C19orf44: variants seen among roughly 807,000 people sequenced by gnomAD.
C19orf44 encodes the protein uncharacterized protein C19orf44.
In C19orf44, 43 loss-of-function variants were observed where a neutral mutation model predicts 50.7. The ratio of observed to expected loss-of-function variants is 0.85; its 90% CI spans 0.66 to 1.09. The LOEUF (loss-of-function observed/expected upper bound fraction) is 1.09, where lower values mean the gene tolerates loss of function less well. C19orf44 is among the 50% of genes least tolerant of loss of function. The pLI is 0.00. For synonymous variants in C19orf44, 298 were observed against 334.7 expected (o/e 0.89, Z 1.20); for missense variants, 722 against 836.2 (o/e 0.86, Z 1.68).
chr19:16,520,141 G>C lies in C19orf44; in HGVS notation c.*88G>C. On this transcript the variant is annotated 3_prime_UTR_variant, in exon 9 of 9. Coordinates refer to ENST00000221671, the MANE Select transcript of C19orf44 (RefSeq NM_032207.4). This position sits in a 1 kb window ranked among gnomAD's most constrained non-coding sequence, Gnocchi z 4.0. Reference sequence around the variant, plus strand: ...GTTACCAGCGCAGCACTTAAGACAGGATCTTACGGCGGGGTGGGGCTCCTG... The same window carrying C: ...GTTACCAGCGCAGCACTTAAGACAGCATCTTACGGCGGGGTGGGGCTCCTG... 6.2e-7 allele frequency: 1 copy of C among 1,611,994 alleles called. No individual in the cohort carries two copies. Among genetic ancestry groups the C allele is most frequent in the Non-Finnish European group, 8.5e-7 (1 of 1,179,286 alleles).
chr19:16,516,742 T>G (rs935721906), intron 7 of C19orf44, among the ~76,000 whole-genome samples: 3 of 152,200 alleles, frequency 2.0e-5, no homozygotes, highest in African/African-American at 4.8e-5. Flanking sequence ...GTCCCCTGCA[T>G]GCCAGGCCTC....
At chr19:16,501,584 AATTT>A in intron 2 of C19orf44, 33 bp downstream of exon 2, 2 of 1,270,560 alleles carry the variant, frequency 1.6e-6, no homozygotes, top group Non-Finnish European at 2.0e-6. Flanking sequence ...AATTTATTTT[AATTT>A]ATTTAATTTA....
rs2085545224 is a variant in C19orf44 at position 16,517,245 on chromosome 19, A to G, written c.1918A>G (p.Arg640Gly). ...TGCCTGACAGTACATTAGGTGCCAC[A>G]GACCTGCCCCACTGACCATGGAGGA... Reference protein sequence around the residue: ...EEAKEYIRCHRPAPLTMEDAL... With the variant: ...EEAKEYIRCHGPAPLTMEDAL... The change falls in exon 8 of 9, where the codon AGA (arginine) becomes GGA (glycine). Residue 640 changes from arginine to glycine, a missense_variant. Transcript: ENST00000221671. The G allele has an allele frequency of 6.2e-7, 1 of 1,614,156 alleles. No homozygotes were observed. Among genetic ancestry groups the G allele is most frequent in the Non-Finnish European group, 8.5e-7 (1 of 1,180,002 alleles).
At chr19:16,497,061 C>T (rs527585931) in intron 1 of C19orf44, among the ~76,000 whole-genome samples, 17 of 152,242 alleles carry the variant, frequency 1.1e-4, no homozygotes, top group Admixed American at 5.2e-4. Context: ...TGCTTGTGTC[C>T]AGGAGGTCAA....
chr19:16,518,738 G>A lies in C19orf44; in HGVS notation c.*41-1356G>A, dbSNP rs116799974. On this transcript the variant is annotated intron_variant, in intron 8 of 8. Transcript: ENST00000221671. ...GGGCCGGTGGGTGCGGGGAGCTGGA[G>A]GAAGGAGCTGGGGTGCCGGCTCTGG... 952 of 212,858 alleles carry A rather than the reference G, an allele frequency of 4.5e-3. 12 individuals are homozygous for A. The highest frequency in any genetic ancestry group is 0.022 in the African/African-American group (905 of 42,088). The allele number at this position is 212,858 out of a possible 1,614,324, so 13.2% of individuals were successfully genotyped here.
chr19:16,505,254 C>G (rs1488274574), intron 3 of C19orf44, among the ~76,000 whole-genome samples: 1 of 148,848 alleles, frequency 6.7e-6, no homozygotes, highest in East Asian at 2.0e-4. Flanking sequence ...GCCCTTGTTG[C>G]CCAGGCTGGA....
Position 16,519,887 on chromosome 19 carries a change from C to G in C19orf44, c.*41-207C>G. 1 of 683,662 alleles carries G rather than the reference C, an allele frequency of 1.5e-6. No homozygotes were observed. Among genetic ancestry groups the G allele is most frequent in the Non-Finnish European group, 2.5e-6 (1 of 392,262 alleles). 42.3% of individuals were successfully genotyped at this position (683,662 alleles called of 1,614,324 possible). ...ATCCTGTCTCAGCTAGATAAGGGGG[C>G]TCCAGACGCTGGCCCCCACCCCACG... On this transcript the variant is annotated intron_variant, in intron 8 of 8. Coordinates refer to ENST00000221671, the MANE Select transcript of C19orf44 (RefSeq NM_032207.4). The surrounding 1 kb of genome is among the most constrained non-coding windows in gnomAD (Gnocchi z 6.0).
rs977070644 is a variant in C19orf44, at chr19:16,521,056, T to A, written c.*1003T>A. 127 of 716,704 alleles carry A rather than the reference T, an allele frequency of 1.8e-4. No individual in the cohort carries two copies. Among genetic ancestry groups the A allele is most frequent in the Admixed American group, 1.0e-4 (5 of 47,774 alleles). 44.4% of individuals were successfully genotyped at this position (716,704 alleles called of 1,614,324 possible). On this transcript the variant is annotated 3_prime_UTR_variant, in exon 9 of 9. Coordinates refer to ENST00000221671, the MANE Select transcript of C19orf44 (RefSeq NM_032207.4). ...GCTCCGAGCATGGGCGCAGTAGAGC[T>A]TGGTTCAGTGTTCCCACAGGGCTGT...
rs1342253895 is a variant in C19orf44, at chr19:16,520,021, G to T, written c.*41-73G>T. On this transcript the variant is annotated intron_variant, in intron 8 of 8. Transcript: ENST00000221671. The surrounding 1 kb of genome is among the most constrained non-coding windows in gnomAD (Gnocchi z 4.0). ...GCTACTGTGGTGAAGGGTGAGGGGT[G>T]CCACTGTCCCCGGGCTAATGCTGGC... is the stretch of plus-strand genomic sequence containing the variant. 1 of 975,902 alleles carries T rather than the reference G, an allele frequency of 1.0e-6. No homozygotes were observed. Among genetic ancestry groups the T allele is most frequent in the Non-Finnish European group, 1.6e-6 (1 of 638,206 alleles). 60.5% of individuals were successfully genotyped at this position (975,902 alleles called of 1,614,324 possible).
intron 6 of C19orf44, among the ~76,000 whole-genome samples, chr19:16,513,332 A>G (rs576943790): frequency 5.9e-5 from 9 of 152,250 alleles, no homozygotes; most frequent in African/African-American, 2.2e-4. Flanking sequence ...TGTCACACAA[A>G]ACAAGAGGGT....
Position 16,519,782 on chromosome 19 carries a change from G to A in C19orf44, c.*41-312G>A, listed in dbSNP as rs1027854311. 7.4e-7 allele frequency: 1 copy of A among 1,351,194 alleles called. No homozygotes were observed. The highest frequency in any genetic ancestry group is 1.1e-6 in the Non-Finnish European group (1 of 941,016). 83.7% of individuals were successfully genotyped at this position (1,351,194 alleles called of 1,614,324 possible). On this transcript the variant is annotated intron_variant, in intron 8 of 8. Coordinates refer to ENST00000221671, the MANE Select transcript of C19orf44 (RefSeq NM_032207.4). The surrounding 1 kb of genome is among the most constrained non-coding windows in gnomAD (Gnocchi z 6.0). ...ACATTTATTGGAATGACAGTGATGA[G>A]GACCTCACAGCCGCAGCTTGCGTGC...
At position 16,520,073 on chromosome 19, in the gene C19orf44, C is replaced by G; in HGVS notation, c.*41-21C>G. On this transcript the variant is annotated intron_variant, in intron 8 of 8. Transcript: ENST00000221671. This position sits in a 1 kb window ranked among gnomAD's most constrained non-coding sequence, Gnocchi z 4.0. ...GCCTCCTAACACAGTCTCCTAACCA[C>G]CAATGTTTCCACATTCACAGCAAAG... The G allele has an allele frequency of 6.8e-7, 1 of 1,460,370 alleles. No individual in the cohort carries two copies. Among genetic ancestry groups the G allele is most frequent in the Non-Finnish European group, 9.5e-7 (1 of 1,051,016 alleles). The allele number at this position is 1,460,370 out of a possible 1,614,324, so 90.5% of individuals were successfully genotyped here.
Position 16,503,399 on chromosome 19 carries a change from CA to C in C19orf44, c.1075+22del, listed in dbSNP as rs2093431709. On this transcript the variant is annotated intron_variant, in intron 3 of 8. Transcript: ENST00000221671. The stretch of plus-strand genomic sequence containing the variant: ...CTCGACGGTAATCCCAGTCCCGGTG[CA>C]AAGCCAGTACCTTGGGCAGGAAGGG... 3 of 1,595,424 alleles carry C rather than the reference CA, an allele frequency of 1.9e-6. No individual in the cohort carries two copies. The highest frequency in any genetic ancestry group is 2.6e-6 in the Non-Finnish European group (3 of 1,168,162).
At chr19:16,503,767 G>A (rs1386420526) in intron 3 of C19orf44, among the ~76,000 whole-genome samples, 1 of 152,032 alleles carries the variant, frequency 6.6e-6, no homozygotes, top group Admixed American at 6.6e-5. Context: ...GTTTCACCAT[G>A]TTGTCCAGGC....
chr19:16,497,909 A>G (rs917476649), intron 1 of C19orf44, among the ~76,000 whole-genome samples: 1 of 152,080 alleles, frequency 6.6e-6, no homozygotes, highest in Non-Finnish European at 1.5e-5. Context: ...AACCCCAGGA[A>G]TCTGAGAACA....
Position 16,521,173 on chromosome 19 carries a change from G to A in C19orf44, c.*1120G>A. The A allele has an allele frequency of 1.7e-6, 1 of 584,686 alleles. No homozygotes were observed. Among genetic ancestry groups the A allele is most frequent in the Non-Finnish European group, 3.1e-6 (1 of 327,004 alleles). The allele number at this position is 584,686 out of a possible 1,614,324, so 36.2% of individuals were successfully genotyped here. On this transcript the variant is annotated 3_prime_UTR_variant, in exon 9 of 9. Coordinates refer to ENST00000221671, the MANE Select transcript of C19orf44 (RefSeq NM_032207.4). ...TGGGGACCCATGGTCTGTGGAACTG[G>A]GAAACAGGAACACTGACTCATGGGT...
intron 1 of C19orf44, among the ~76,000 whole-genome samples, chr19:16,498,692 A>G (rs2122164953): frequency 6.7e-6 from 1 of 150,054 alleles, no homozygotes; most frequent in African/African-American, 2.5e-5. Context: ...TTTTTTTGAG[A>G]CGGAGTCTCT....
rs2093466688 is a variant in C19orf44, at chr19:16,514,602, C to T, written c.1841C>T (p.Ser614Phe). 6.2e-7 allele frequency: 1 copy of T among 1,603,264 alleles called. No homozygotes were observed. Among genetic ancestry groups the T allele is most frequent in the Non-Finnish European group, 8.5e-7 (1 of 1,176,170 alleles). ...CAGGCCAGCCGGCACCTGCACGCCTCCCTCCTGCGCTCCCTGGACGCGGAC... is the reference window on the plus strand; with the variant it reads ...CAGGCCAGCCGGCACCTGCACGCCTTCCTCCTGCGCTCCCTGGACGCGGAC... The part of the protein sequence containing the change: ...FIQASRHLHA[S>F]LLRSLDADSF... Residue 614 changes from serine (S) to phenylalanine (F), a missense_variant, in exon 7 of 9, where the codon TCC becomes TTC. Transcript: ENST00000221671.
Position 16,501,100 on chromosome 19 carries a change from G to A in C19orf44, c.308G>A (p.Arg103Gln), listed in dbSNP as rs761287141. The A allele has an allele frequency of 1.2e-5, 20 of 1,613,924 alleles. No homozygotes were observed. The highest frequency in any genetic ancestry group is 1.6e-4 in the Middle Eastern group (1 of 6,082). The part of the protein sequence containing the change: ...ALMKLAQLET[R>Q]IMNRKLQRNL... ...ATGAAGCTGGCCCAGCTGGAAACCC[G>A]GATCATGAATCGGAAGCTGCAGAGG... The change falls in exon 2 of 9, where the codon CGG becomes CAG. Residue 103 changes from arginine to glutamine, a missense_variant. Transcript: ENST00000221671.
Sources: gnomAD v4.1 joint callset for allele counts (sites outside exome capture counted in the v4.1 genomes callset) on GRCh38, gnomAD v4.1.1 for gene constraint, Gnocchi (gnomAD v3.1) non-coding constraint, MANE v1.5 for transcripts, NCBI Gene and HGNC (gene_info 2026-07-23, HGNC 2026-07-21) for gene names.